CDH18: variants seen among roughly 807,000 people sequenced by gnomAD.
CDH18 encodes the protein cadherin-18.
CDH18 carries 31 observed loss-of-function variants against 67.9 expected under a neutral mutation model. The observed-to-expected ratio is 0.46, with a 90% CI of 0.34 to 0.62. CDH18 has a LOEUF of 0.62. Among genes scored for constraint, CDH18 ranks in the 20% least tolerant of loss-of-function variants. The pLI is 0.01. For synonymous variants in CDH18, 362 were observed against 347.2 expected (o/e 1.04, Z -0.48); for missense variants, 890 against 975.5 (o/e 0.91, Z 1.17).
At chr5:20,355,091 T>A (rs1364384689) in intron 1 of CDH18, among the ~76,000 whole-genome samples, 1 of 152,200 alleles carries the variant, frequency 6.6e-6, no homozygotes, top group Non-Finnish European at 1.5e-5. Flanking sequence ...ATATCCATAA[T>A]GGTGTAAATG....
chr5:20,221,356 T>G (rs1249553173), intron 2 of CDH18, among the ~76,000 whole-genome samples: 3 of 152,040 alleles, frequency 2.0e-5, no homozygotes, highest in Non-Finnish European at 4.4e-5. Flanking sequence ...GAAATAAGCC[T>G]GGCACAGAAA....
intron 2 of CDH18, among the ~76,000 whole-genome samples, chr5:20,249,630 A>T (rs1048717464): frequency 1.3e-5 from 2 of 152,068 alleles, no homozygotes; most frequent in Non-Finnish European, 2.9e-5. Context: ...TCGGCCTCCC[A>T]AAGTGCTGAG....
intron 2 of CDH18, among the ~76,000 whole-genome samples, chr5:20,148,261 A>G (rs936992548): frequency 2.6e-5 from 4 of 151,186 alleles, no homozygotes; most frequent in African/African-American, 9.7e-5. Context: ...CCGGCTAATT[A>G]TTTTTATTTT....
chr5:20,064,425 G>C (rs1321590996), intron 2 of CDH18, among the ~76,000 whole-genome samples: 1 of 152,128 alleles, frequency 6.6e-6, no homozygotes, highest in African/African-American at 2.4e-5. Context: ...TTAATCAGGG[G>C]CTGTTTTGGA....
chr5:20,174,552 G>T (rs1425010001), intron 2 of CDH18, among the ~76,000 whole-genome samples: 2 of 151,986 alleles, frequency 1.3e-5, no homozygotes, highest in Non-Finnish European at 2.9e-5. Flanking sequence ...CACCTTTTTT[G>T]GGGACAACAA....
intron 3 of CDH18, among the ~76,000 whole-genome samples, chr5:19,814,959 TG>T (rs1192571515): frequency 2.6e-5 from 4 of 152,022 alleles, no homozygotes; most frequent in Admixed American, 1.3e-4. Context: ...GTGCCCATAA[TG>T]TGTATTGCTG....
chr5:20,441,080 G>T (rs1038597801), intron 1 of CDH18, among the ~76,000 whole-genome samples: 1 of 151,794 alleles, frequency 6.6e-6, no homozygotes, highest in Admixed American at 6.6e-5. Context: ...TCTGGATAAT[G>T]GGAATCCTCT....
chr5:20,408,633 T>A (rs1746505387), intron 1 of CDH18, among the ~76,000 whole-genome samples: 1 of 151,506 alleles, frequency 6.6e-6, no homozygotes, highest in African/African-American at 2.4e-5. Flanking sequence ...ATACTAAATA[T>A]AAAATAAAAA....
intron 2 of CDH18, among the ~76,000 whole-genome samples, chr5:20,071,090 GT>G (rs1743441667): frequency 6.6e-6 from 1 of 152,038 alleles, no homozygotes; most frequent in Non-Finnish European, 1.5e-5. Flanking sequence ...TGAAATTAAG[GT>G]GCAAATCACT....
chr5:19,772,039 GT>G (rs1773791838), intron 3 of CDH18, among the ~76,000 whole-genome samples: 1 of 152,064 alleles, frequency 6.6e-6, no homozygotes, highest in Non-Finnish European at 1.5e-5. Context: ...CATTCTATAT[GT>G]TTTTGGGAAC....
At chr5:20,570,595 A>C (rs1399473078) in intron 1 of CDH18, among the ~76,000 whole-genome samples, 1 of 152,118 alleles carries the variant, frequency 6.6e-6, no homozygotes, top group East Asian at 1.9e-4. Context: ...ATCATGTTCT[A>C]GTCTGATTCA....
intron 2 of CDH18, among the ~76,000 whole-genome samples, chr5:20,217,753 C>A: frequency 6.6e-6 from 1 of 151,376 alleles, no homozygotes; most frequent in Non-Finnish European, 1.5e-5. Context: ...AAAAAAAGAC[C>A]AAATGATTTG....
intron 1 of CDH18, among the ~76,000 whole-genome samples, chr5:20,518,669 G>A (rs1755527159): frequency 6.6e-6 from 1 of 152,058 alleles, no homozygotes; most frequent in Non-Finnish European, 1.5e-5. Context: ...CACTATTAAG[G>A]AGCCATGTGG....
intron 3 of CDH18, among the ~76,000 whole-genome samples, chr5:19,774,561 C>T (rs1276647149): frequency 1.3e-5 from 2 of 151,062 alleles, no homozygotes; most frequent in African/African-American, 2.4e-5. Context: ...GTGGCTCACG[C>T]CTGTAATCCC....
intron 2 of CDH18, among the ~76,000 whole-genome samples, chr5:20,062,110 T>A (rs1742540407): frequency 6.7e-6 from 1 of 149,548 alleles, no homozygotes; most frequent in African/African-American, 2.4e-5. Context: ...TCATACAACT[T>A]GAGAAAAGTA....
At position 19,471,953 on chromosome 5, in the gene CDH18, C is replaced by G. The variant is rs1418966187; in HGVS notation, c.*1273G>C. ...ATGCTCATTTAATCCTCACAACAAC[C>G]CTGTGAGGTGGGCAGGGAAGTCATT... is the stretch of plus-strand genomic sequence containing the variant. On this transcript the variant is annotated 3_prime_UTR_variant, in exon 13 of 13. Coordinates refer to ENST00000382275, the MANE Select transcript of CDH18 (RefSeq NM_004934.5). Among the ~76,000 whole-genome samples the G allele has an allele frequency of 6.6e-6, 1 of 152,100 alleles. No homozygotes were observed. Among genetic ancestry groups the G allele is most frequent in the Non-Finnish European group, 1.5e-5 (1 of 68,016 alleles).
At chr5:20,023,658 C>CAA (rs58583654) in intron 2 of CDH18, among the ~76,000 whole-genome samples, 5 of 84,004 alleles carry the variant, frequency 6.0e-5, no homozygotes, top group Middle Eastern at 5.5e-3. Context: ...GACTCCGTCT[C>CAA]AAAAAAAAAA....
At chr5:19,663,440 T>C (rs1757463692) in intron 5 of CDH18, among the ~76,000 whole-genome samples, 1 of 151,984 alleles carries the variant, frequency 6.6e-6, no homozygotes. Context: ...GTGATTTGAG[T>C]TTGAGTGTCT....
chr5:20,503,832 G>A (rs751947229), intron 1 of CDH18, among the ~76,000 whole-genome samples: 1 of 152,108 alleles, frequency 6.6e-6, no homozygotes, highest in African/African-American at 2.4e-5. Context: ...GAGCTCATGA[G>A]TTCAAGACCA....
Sources: gnomAD v4.1 joint callset for allele counts (sites outside exome capture counted in the v4.1 genomes callset) on GRCh38, gnomAD v4.1.1 for gene constraint, MANE v1.5 for transcripts, NCBI Gene and HGNC (gene_info 2026-07-23, HGNC 2026-07-21) for gene names.